Variants in DNMT1 observed in about 807,000 individuals in gnomAD.
DNMT1 encodes DNA methyltransferase 1, also known as DNA (cytosine-5)-methyltransferase 1.
In DNMT1, 24 loss-of-function variants were observed where a neutral mutation model predicts 205.3. That is an observed-to-expected ratio of 0.12 (90% CI 0.08 to 0.16). DNMT1 has a LOEUF of 0.16. Among genes scored for constraint, DNMT1 ranks in the 10% least tolerant of loss-of-function variants. The pLI, the probability that DNMT1 is intolerant of heterozygous loss-of-function variation, is 1.00. For missense variants in DNMT1, 1,293 were observed against 2,177.7 expected (o/e 0.59, Z 8.09); for synonymous variants, 817 against 839.8 (o/e 0.97, Z 0.47).
chr19:10,135,400 A>C (rs1215593061), intron 39 of DNMT1: 1 of 387,950 alleles, frequency 2.6e-6, no homozygotes, highest in African/African-American at 2.1e-5. Flanking sequence ...ACACCTGAGA[A>C]GCAGGTAGGA....
chr19:10,135,238 T>C (rs1002963594), intron 39 of DNMT1, among the ~76,000 whole-genome samples: 1 of 134,660 alleles, frequency 7.4e-6, no homozygotes, highest in African/African-American at 2.8e-5. Flanking sequence ...AAAGAGAGAG[T>C]GGCTGCTTCC....
chr19:10,143,249 C>G (rs942435448), intron 29 of DNMT1, among the ~76,000 whole-genome samples: 3 of 152,202 alleles, frequency 2.0e-5, no homozygotes, highest in Non-Finnish European at 4.4e-5. Context: ...CGGGGTCTGG[C>G]TGTCACCCAG....
At chr19:10,171,604 G>C (rs1446388270) in intron 9 of DNMT1, among the ~76,000 whole-genome samples, 1 of 152,026 alleles carries the variant, frequency 6.6e-6, no homozygotes, top group Non-Finnish European at 1.5e-5. Flanking sequence ...AGGAGATCAA[G>C]ACCATCCTGG....
chr19:10,175,701 G>C, intron 6 of DNMT1, 83 bp from the exon 7 acceptor site: 1 of 1,293,646 alleles, frequency 7.7e-7, no homozygotes. Flanking sequence ...CATTCACCAG[G>C]ATGTTGAAAG....
intron 19 of DNMT1, 134 bp downstream of exon 19, chr19:10,155,719 T>C: frequency 1.1e-6 from 1 of 910,932 alleles, no homozygotes. Context: ...CAACTGAACC[T>C]GCTAAGGTTC....
At chr19:10,184,103 G>A (rs975418534) in intron 1 of DNMT1, among the ~76,000 whole-genome samples, 6 of 152,126 alleles carry the variant, frequency 3.9e-5, no homozygotes, top group Non-Finnish European at 7.4e-5. Context: ...GGGCACTCCC[G>A]TAAGGGAAAT....
chr19:10,169,918 C>T (rs535048825), intron 9 of DNMT1, among the ~76,000 whole-genome samples: 2 of 152,256 alleles, frequency 1.3e-5, no homozygotes, highest in African/African-American at 4.8e-5. Context: ...TGTTCTGAAA[C>T]AAATTCGAGG....
In DNMT1 at chr19:10,160,428, G is replaced by A. The variant is rs774505485; in HGVS notation, c.1009-10C>T. ...TGCGTCTCTTCTCCTCCTACACAGGGAAAACAAAAGAGGATTAAAGGCTAA... is the reference window on the plus strand; with the variant it reads ...TGCGTCTCTTCTCCTCCTACACAGGAAAAACAAAAGAGGATTAAAGGCTAA... On this transcript the variant is annotated splice_polypyrimidine_tract_variant and intron_variant, in intron 13 of 40. Transcript: ENST00000359526. 1 of 1,613,976 alleles carries A rather than the reference G, an allele frequency of 6.2e-7. No individual in the cohort carries two copies. Among genetic ancestry groups the A allele is most frequent in the Non-Finnish European group, 8.5e-7 (1 of 1,179,926 alleles).
At chr19:10,167,556 G>A (rs2145343158) in intron 10 of DNMT1, among the ~76,000 whole-genome samples, 1 of 152,264 alleles carries the variant, frequency 6.6e-6, no homozygotes, top group South Asian at 2.1e-4. Context: ...CTTGTGGTCT[G>A]GCACAGCCAC....
intron 8 of DNMT1, 78 bp downstream of exon 8, chr19:10,173,793 T>TA (rs2145361191): frequency 6.5e-7 from 1 of 1,550,018 alleles, no homozygotes; most frequent in East Asian, 2.3e-5. Context: ...TGCCCGGCCT[T>TA]AAACTTTCTG....
rs764561233 is a variant in DNMT1 at position 10,180,350 on chromosome 19, G to A, written c.445C>T (p.Arg149Cys). ...RRSKSDGEAKRSRDPPASASQ... is the reference protein window; with the variant it reads ...RRSKSDGEAKCSRDPPASASQ... The stretch of plus-strand genomic sequence containing the variant: ...AATAAAAGGAATCATCTGCTCTTAC[G>A]CTTAGCCTCTCCATCGGACTTGCTC... The change falls in exon 4 of 41, where the codon CGT (arginine) becomes TGT (cysteine). Residue 149 changes from arginine to cysteine, a missense_variant and splice_region_variant. By Grantham distance (180) the Arg-to-Cys change is radical. Around this residue, in one of 13 missense-constraint regions of DNMT1, gnomAD observed 394 missense variants for 451.6 expected, o/e 0.87. Coordinates refer to ENST00000359526, the MANE Select transcript of DNMT1 (RefSeq NM_001130823.3). 66 of 1,611,506 alleles carry A rather than the reference G, an allele frequency of 4.1e-5. No individual in the cohort carries two copies. In the South Asian group the frequency reaches 5.6e-4, roughly 14 times the overall value.
chr19:10,171,792 G>A (rs960126158), intron 9 of DNMT1, among the ~76,000 whole-genome samples: 17 of 149,824 alleles, frequency 1.1e-4, no homozygotes, highest in Admixed American at 7.4e-4. Context: ...GCGACAGAGC[G>A]AGACTCCGTC....
In DNMT1 at chr19:10,140,497, G is replaced by A. The variant is rs1253723569; in HGVS notation, c.3524-169C>T. ...CGATTCTCCCACCTCAGCCTCCTGA[G>A]TAGCTGGGACTACAGGCACACACCA... On this transcript the variant is annotated intron_variant, in intron 32 of 40. Coordinates refer to ENST00000359526, the MANE Select transcript of DNMT1 (RefSeq NM_001130823.3). This position sits in a 1 kb window ranked among gnomAD's most constrained non-coding sequence, Gnocchi z 8.4. The A allele has an allele frequency of 4.7e-6, 5 of 1,065,724 alleles. No homozygotes were observed. Among genetic ancestry groups the A allele is most frequent in the African/African-American group, 3.2e-5 (2 of 63,162 alleles). The allele number at this position is 1,065,724 out of a possible 1,614,324, so 66.0% of individuals were successfully genotyped here.
chr19:10,138,289 T>G lies in DNMT1; in HGVS notation c.4115+150A>C. On this transcript the variant is annotated intron_variant, in intron 35 of 40. Coordinates refer to ENST00000359526, the MANE Select transcript of DNMT1 (RefSeq NM_001130823.3). The surrounding 1 kb of genome is among the most constrained non-coding windows in gnomAD (Gnocchi z 4.1). The stretch of plus-strand genomic sequence containing the variant: ...CAGGGTCAGAACTGGAGACCACAGG[T>G]GGCAGAGTGCCATGTGGCAGAGCAC... 1 of 1,265,154 alleles carries G rather than the reference T, an allele frequency of 7.9e-7. No individual in the cohort carries two copies. The highest frequency in any genetic ancestry group is 1.3e-5 in the South Asian group (1 of 77,558). 78.4% of individuals were successfully genotyped at this position (1,265,154 alleles called of 1,614,324 possible). A position where few individuals can be genotyped will look rare whatever the true frequency, so the allele number is the denominator to read the frequency against.
chr19:10,136,965 G>A (rs2089495822), intron 37 of DNMT1, 120 bp downstream of exon 37: 4 of 1,348,390 alleles, frequency 3.0e-6, no homozygotes, highest in African/African-American at 2.9e-5. Context: ...TACCTTCTCT[G>A]GGACACCCAG....
chr19:10,193,112 G>T (rs2039332814), intron 1 of DNMT1, among the ~76,000 whole-genome samples: 1 of 152,080 alleles, frequency 6.6e-6, no homozygotes, highest in African/African-American at 2.4e-5. Flanking sequence ...CCTAACCTTT[G>T]GGACACAAAG....
In DNMT1 at chr19:10,145,962, G is replaced by A. The variant is rs79891394; in HGVS notation, c.2894+389C>T. Among the ~76,000 whole-genome samples, 881 of 152,134 alleles carry A rather than the reference G, an allele frequency of 5.8e-3. 18 individuals are homozygous for A. Among genetic ancestry groups the A allele is most frequent in the East Asian group, 0.034 (175 of 5,160 alleles). On this transcript the variant is annotated intron_variant, in intron 28 of 40. Coordinates refer to ENST00000359526, the MANE Select transcript of DNMT1 (RefSeq NM_001130823.3). ...TCCTGTCTCTGCCTCTCGAGTAGCT[G>A]GGACTACAGGCGCGCACCACCACAC...
At chr19:10,179,114 A>G (rs993253755) in intron 5 of DNMT1, among the ~76,000 whole-genome samples, 2 of 147,390 alleles carry the variant, frequency 1.4e-5, no homozygotes, top group African/African-American at 5.1e-5. Context: ...GGGAGACAAC[A>G]AGACTCCATC....
At chr19:10,171,804 CAAATAAATAAATAAATAAAT>C (rs201700970) in intron 9 of DNMT1, among the ~76,000 whole-genome samples, 12 of 140,010 alleles carry the variant, frequency 8.6e-5, no homozygotes, top group South Asian at 7.1e-4. Context: ...GACTCCGTCT[CAAATAAATAAATAAATAAAT>C]AAATAAATAA....
Sources: allele counts gnomAD v4.1 joint callset (sites outside exome capture counted in the v4.1 genomes callset), GRCh38; gene constraint gnomAD v4.1.1; regional missense constraint gnomAD v4.1.1; non-coding constraint Gnocchi (gnomAD v3.1); transcripts MANE v1.5; gene names NCBI Gene and HGNC (gene_info 2026-07-23, HGNC 2026-07-21).